TSHZ2: variants seen among roughly 807,000 people sequenced by gnomAD.
TSHZ2 encodes the protein teashirt zinc finger homeobox 2, also known as teashirt homolog 2.
Under a neutral mutation model 74.4 loss-of-function variants are expected in TSHZ2, and 21 were observed. That is an observed-to-expected ratio of 0.28 (90% CI 0.20 to 0.41). TSHZ2 has a LOEUF of 0.41. TSHZ2 is among the 10% of genes least tolerant of loss of function. The pLI is 1.00. For synonymous variants in TSHZ2, 540 were observed against 515.3 expected, an observed-to-expected ratio of 1.05 and a Z score of -0.65; for missense variants, 1,244 against 1,293.5, an observed-to-expected ratio of 0.96 and a Z score of 0.59.
intron 1 of TSHZ2, among the ~76,000 whole-genome samples, chr20:52,985,365 T>A (rs1001303953): frequency 3.9e-5 from 6 of 152,232 alleles, no homozygotes; most frequent in African/African-American, 1.2e-4. Context: ...AACACCGTGG[T>A]ACTTGCAATG....
At chr20:53,083,486 A>G (rs1401449826) in intron 1 of TSHZ2, among the ~76,000 whole-genome samples, 1 of 152,116 alleles carries the variant, frequency 6.6e-6, no homozygotes, top group Non-Finnish European at 1.5e-5. Flanking sequence ...TACTTCTTTC[A>G]TATTGCTGAT....
At chr20:53,267,070 G>A (rs548127774) in intron 2 of TSHZ2, among the ~76,000 whole-genome samples, 7 of 152,172 alleles carry the variant, frequency 4.6e-5, no homozygotes, top group Non-Finnish European at 8.8e-5. Flanking sequence ...GAGCCACCAC[G>A]CCCGGCCTCG....
chr20:53,255,012 A>G lies in TSHZ2; in HGVS notation c.1554A>G (p.Lys518=). The change falls in exon 2 of 3, where the codon AAA becomes AAG. Residue 518 remains lysine, a synonymous_variant. Transcript: ENST00000371497. This position sits in a 1 kb window ranked among gnomAD's most constrained non-coding sequence, Gnocchi z 4.1. ...CAAAGGGTGGAGGGGACATTTTGAAATCTTTGGAAAATACTGTCACCACAG... is the reference window on the plus strand; with the variant it reads ...CAAAGGGTGGAGGGGACATTTTGAAGTCTTTGGAAAATACTGTCACCACAG... ...DGSKGGGDIL[K]SLENTVTTAI... is the part of the protein sequence containing the mutation. The G allele has an allele frequency of 6.2e-7, 1 of 1,614,186 alleles. No homozygotes were observed. Among genetic ancestry groups the G allele is most frequent in the Non-Finnish European group, 8.5e-7 (1 of 1,180,046 alleles).
intron 2 of TSHZ2, among the ~76,000 whole-genome samples, chr20:53,279,283 T>C (rs1991009737): frequency 6.6e-6 from 1 of 152,214 alleles, no homozygotes; most frequent in Admixed American, 6.5e-5. Flanking sequence ...TCTTCCATTG[T>C]AGCATAAAAG....
intron 1 of TSHZ2, among the ~76,000 whole-genome samples, chr20:52,973,958 TA>T (rs1234104036): frequency 6.6e-6 from 1 of 152,182 alleles, no homozygotes; most frequent in Non-Finnish European, 1.5e-5. Flanking sequence ...AAAAGGGTTG[TA>T]GGGGGGAAAT....
chr20:53,212,405 G>C (rs866345154), intron 1 of TSHZ2, among the ~76,000 whole-genome samples: 1 of 152,138 alleles, frequency 6.6e-6, no homozygotes, highest in Non-Finnish European at 1.5e-5. Flanking sequence ...TTATACTAAC[G>C]AATCCTTGCT....
At chr20:52,991,120 A>G (rs1981969146) in intron 1 of TSHZ2, among the ~76,000 whole-genome samples, 1 of 151,572 alleles carries the variant, frequency 6.6e-6, no homozygotes, top group Non-Finnish European at 1.5e-5. Flanking sequence ...TTTCTGATGC[A>G]TGATTTTGTG....
intron 1 of TSHZ2, among the ~76,000 whole-genome samples, chr20:53,100,226 T>C (rs1402755255): frequency 6.6e-6 from 1 of 152,122 alleles, no homozygotes; most frequent in East Asian, 1.9e-4. Context: ...TGTGCCTGCT[T>C]TCTTAACCTA....
chr20:53,021,693 G>T (rs1983253541), intron 1 of TSHZ2, among the ~76,000 whole-genome samples: 1 of 152,158 alleles, frequency 6.6e-6, no homozygotes, highest in Non-Finnish European at 1.5e-5. Context: ...TAAGTCCAAT[G>T]AATATATTCT....
At chr20:53,016,380 G>A (rs1021958419) in intron 1 of TSHZ2, among the ~76,000 whole-genome samples, 1 of 152,152 alleles carries the variant, frequency 6.6e-6, no homozygotes, top group South Asian at 2.1e-4. Context: ...ATGAGCTGGT[G>A]CAGTTAGCAA....
chr20:53,307,705 G>A (rs558555841), intron 2 of TSHZ2, among the ~76,000 whole-genome samples: 1 of 152,176 alleles, frequency 6.6e-6, no homozygotes, highest in South Asian at 2.1e-4. Context: ...TTTTACATAG[G>A]TTCACACCCA....
intron 1 of TSHZ2, among the ~76,000 whole-genome samples, chr20:53,107,103 A>G (rs1986399347): frequency 6.6e-6 from 1 of 152,108 alleles, no homozygotes; most frequent in African/African-American, 2.4e-5. Flanking sequence ...GGTGCCCAGA[A>G]CAGGCCCTAG....
intron 1 of TSHZ2, among the ~76,000 whole-genome samples, chr20:53,038,896 G>GTTTTTTTTTTTTTTTTTTTTTTTTT (rs374364980): frequency 7.1e-6 from 1 of 140,422 alleles, no homozygotes; most frequent in African/African-American, 3.0e-5. Context: ...TTGTTTGTTT[G>GTTTTTTTTTTTTTTTTTTTTTTTTT]TTTGTTTGTT....
At chr20:53,424,993 C>A (rs1983607474) in intron 2 of TSHZ2, among the ~76,000 whole-genome samples, 1 of 152,180 alleles carries the variant, frequency 6.6e-6, no homozygotes, top group African/African-American at 2.4e-5. Flanking sequence ...GACTCCATGT[C>A]TTTGCTATTG....
intron 1 of TSHZ2, among the ~76,000 whole-genome samples, chr20:53,044,122 CA>C (rs1225785331): frequency 2.0e-5 from 3 of 152,194 alleles, no homozygotes; most frequent in African/African-American, 7.2e-5. Context: ...TGCTTAGGAA[CA>C]GAAGTATTTC....
intron 2 of TSHZ2, among the ~76,000 whole-genome samples, chr20:53,457,618 G>T (rs1340158173): frequency 3.0e-5 from 4 of 134,052 alleles, no homozygotes; most frequent in Non-Finnish European, 6.3e-5. Context: ...GGTGACAGAG[G>T]GCATCCCTGT....
intron 1 of TSHZ2, among the ~76,000 whole-genome samples, chr20:53,115,105 C>T (rs1986635225): frequency 1.3e-5 from 2 of 152,180 alleles, no homozygotes; most frequent in South Asian, 4.1e-4. Context: ...TCCACAAATG[C>T]TCATCAAGGC....
intron 1 of TSHZ2, among the ~76,000 whole-genome samples, chr20:53,123,613 C>T (rs1272234068): frequency 6.6e-6 from 1 of 152,174 alleles, no homozygotes; most frequent in African/African-American, 2.4e-5. Flanking sequence ...GTTTGCATCA[C>T]ACTTGCTAAC....
chr20:53,479,038 G>A (rs1164085129), intron 2 of TSHZ2, among the ~76,000 whole-genome samples: 3 of 152,080 alleles, frequency 2.0e-5, no homozygotes, highest in African/African-American at 7.2e-5. Flanking sequence ...GGTGGCGCAT[G>A]CCTGTAATCC....
Sources: gnomAD v4.1 joint callset for allele counts (sites outside exome capture counted in the v4.1 genomes callset) on GRCh38, gnomAD v4.1.1 for gene constraint, Gnocchi (gnomAD v3.1) non-coding constraint, MANE v1.5 for transcripts, NCBI Gene and HGNC (gene_info 2026-07-23, HGNC 2026-07-21) for gene names.